Variants in RALGAPA2 observed in about 807,000 individuals in gnomAD.
The protein encoded by RALGAPA2 is Ral GTPase activating protein catalytic subunit alpha 2, also known as ral GTPase-activating protein subunit alpha-2.
RALGAPA2 carries 139 observed loss-of-function variants against 230.4 expected under a neutral mutation model. That is an observed-to-expected ratio of 0.60 (90% CI 0.53 to 0.69). The LOEUF (loss-of-function observed/expected upper bound fraction) is 0.69, where lower values mean the gene tolerates loss of function less well. RALGAPA2 is among the 30% of genes least tolerant of loss of function. The pLI is 0.00. For synonymous variants in RALGAPA2, 847 were observed against 837.8 expected (o/e 1.01, Z -0.19); for missense variants, 2,163 against 2,276.0 (o/e 0.95, Z 1.01).
intron 3 of RALGAPA2, among the ~76,000 whole-genome samples, chr20:20,673,379 CACT>C (rs1479418661): frequency 6.6e-6 from 1 of 151,738 alleles, no homozygotes; most frequent in Non-Finnish European, 1.5e-5. Flanking sequence ...ACACCACCAC[CACT>C]ACTACTAGGG....
chr20:20,633,673 T>C (rs1376262299), intron 9 of RALGAPA2, among the ~76,000 whole-genome samples: 1 of 151,878 alleles, frequency 6.6e-6, no homozygotes, highest in Non-Finnish European at 1.5e-5. Flanking sequence ...AGAGATGGGG[T>C]TTCACCATGT....
intron 36 of RALGAPA2, among the ~76,000 whole-genome samples, chr20:20,478,246 C>T (rs931231397): frequency 6.6e-6 from 1 of 152,090 alleles, no homozygotes; most frequent in African/African-American, 2.4e-5. Flanking sequence ...GATATTATAA[C>T]TTATACCTTA....
At chr20:20,676,513 C>G (rs965301264) in intron 2 of RALGAPA2, among the ~76,000 whole-genome samples, 1 of 148,550 alleles carries the variant, frequency 6.7e-6, no homozygotes, top group Non-Finnish European at 1.5e-5. Flanking sequence ...GCTGTTTGAA[C>G]ACAGCTTCCA....
intron 23 of RALGAPA2, among the ~76,000 whole-genome samples, chr20:20,556,160 AG>A (rs1245115330): frequency 6.6e-6 from 1 of 152,210 alleles, no homozygotes; most frequent in Non-Finnish European, 1.5e-5. Context: ...CTGTGAGATC[AG>A]GGCCTCTAAG....
At chr20:20,606,844 G>T (rs1051427280) in intron 14 of RALGAPA2, among the ~76,000 whole-genome samples, 1 of 152,056 alleles carries the variant, frequency 6.6e-6, no homozygotes, top group Non-Finnish European at 1.5e-5. Flanking sequence ...CCATAAAATT[G>T]CCCCATTCCT....
intron 7 of RALGAPA2, among the ~76,000 whole-genome samples, chr20:20,639,038 G>A (rs2066947129): frequency 6.6e-6 from 1 of 152,200 alleles, no homozygotes; most frequent in Non-Finnish European, 1.5e-5. Context: ...AACCTGAAGT[G>A]TGCCCTCCTT....
chr20:20,600,821 G>A (rs1215260671), intron 16 of RALGAPA2, among the ~76,000 whole-genome samples: 1 of 152,188 alleles, frequency 6.6e-6, no homozygotes, highest in African/African-American at 2.4e-5. Context: ...TAAAATGTAG[G>A]GCGGGCGCAG....
chr20:20,424,201 G>C (rs2060335159), intron 37 of RALGAPA2, among the ~76,000 whole-genome samples: 1 of 152,168 alleles, frequency 6.6e-6, no homozygotes, highest in Non-Finnish European at 1.5e-5. Flanking sequence ...CTTAATTATA[G>C]CATTTTCCAT....
In RALGAPA2 at chr20:20,637,494, C is replaced by T. The variant is rs1460968681; in HGVS notation, c.674G>A (p.Ser225Asn). The T allele has an allele frequency of 1.3e-6, 2 of 1,563,724 alleles. No homozygotes were observed. Among genetic ancestry groups the T allele is most frequent in the Middle Eastern group, 1.8e-4 (1 of 5,548 alleles). ...LLKYMVIQAA[S>N]LEWKNKENQD... ...ATTCTCCTTATTCTTCCACTCCAAG[C>T]TCGCAGCCTTTGGATAATATGTGGA... Residue 225 changes from serine (S) to asparagine (N), a missense_variant, in exon 8 of 40, where the codon AGC becomes AAC. Physicochemically the swap from Ser to Asn is conservative, Grantham distance 46. Transcript: ENST00000202677.
chr20:20,532,061 A>T (rs1053187632), intron 26 of RALGAPA2, among the ~76,000 whole-genome samples: 4 of 152,194 alleles, frequency 2.6e-5, no homozygotes, highest in African/African-American at 9.7e-5. Flanking sequence ...CAGCCCATAT[A>T]TATCACTTAG....
chr20:20,629,597 G>GA lies in RALGAPA2; in HGVS notation c.1006-8dup. ...CAGCACCACCACCAACAGTCTGGAAGAAAGTCAGCACACTTCTCAATGATG... is the reference window on the plus strand; with the variant it reads ...CAGCACCACCACCAACAGTCTGGAAGAAAAGTCAGCACACTTCTCAATGATG... On this transcript the variant is annotated splice_polypyrimidine_tract_variant and splice_region_variant and intron_variant, in intron 9 of 39. Transcript: ENST00000202677. The GA allele has an allele frequency of 6.2e-7, 1 of 1,612,638 alleles. No homozygotes were observed. Among genetic ancestry groups the GA allele is most frequent in the Non-Finnish European group, 8.5e-7 (1 of 1,179,696 alleles).
chr20:20,511,175 C>A (rs1446392055), intron 33 of RALGAPA2, 79 bp downstream of exon 33: 3 of 1,526,358 alleles, frequency 2.0e-6, no homozygotes, highest in African/African-American at 2.8e-5. Context: ...TAAGTCTATT[C>A]ATTCCTGCTG....
intron 1 of RALGAPA2, among the ~76,000 whole-genome samples, chr20:20,701,272 G>A (rs2069348845): frequency 6.6e-6 from 1 of 152,102 alleles, no homozygotes; most frequent in Non-Finnish European, 1.5e-5. Context: ...ATTAATAAAT[G>A]TAGAAATATT....
intron 15 of RALGAPA2, 32 bp from the exon 16 acceptor site, chr20:20,601,878 C>A: frequency 1.3e-6 from 2 of 1,543,826 alleles, no homozygotes; most frequent in Non-Finnish European, 1.8e-6. Context: ...AATCTAAAGG[C>A]TGAATTCATT....
chr20:20,707,534 T>C (rs1279855733), intron 1 of RALGAPA2, among the ~76,000 whole-genome samples: 1 of 152,192 alleles, frequency 6.6e-6, no homozygotes, highest in Admixed American at 6.5e-5. Flanking sequence ...TCAAAAATGC[T>C]AATGATAAAA....
chr20:20,707,545 T>C (rs2069654130), intron 1 of RALGAPA2, among the ~76,000 whole-genome samples: 1 of 152,116 alleles, frequency 6.6e-6, no homozygotes, highest in Non-Finnish European at 1.5e-5. Flanking sequence ...AATGATAAAA[T>C]AAAGACAACA....
At position 20,712,399 on chromosome 20, in the gene RALGAPA2, G is replaced by A. The variant is rs1334852520; in HGVS notation, c.82C>T (p.Leu28=). 1.9e-6 allele frequency: 3 copies of A among 1,551,012 alleles called. No individual in the cohort carries two copies. The highest frequency in any genetic ancestry group is 2.0e-5 in the Admixed American group (1 of 51,178). Residue 28 remains leucine (L), a synonymous_variant, in exon 1 of 40, where the codon CTG becomes TTG. Transcript: ENST00000202677. This position sits in a 1 kb window ranked among gnomAD's most constrained non-coding sequence, Gnocchi z 5.5. Reference sequence around the variant, plus strand: ...CCCAGCAGCGCCCGCAGGTGCTTCAGGCGGGTCAGCACGTCCTTCTTCGGG... The same window carrying A: ...CCCAGCAGCGCCCGCAGGTGCTTCAAGCGGGTCAGCACGTCCTTCTTCGGG... ...LDPKKDVLTR[L]KHLRALLDNV...
At chr20:20,551,764 T>G (rs1370474551) in intron 23 of RALGAPA2, among the ~76,000 whole-genome samples, 1 of 152,266 alleles carries the variant, frequency 6.6e-6, no homozygotes, top group Admixed American at 6.5e-5. Context: ...TTATTCATTT[T>G]GCATAGTGTT....
intron 10 of RALGAPA2, among the ~76,000 whole-genome samples, chr20:20,620,918 G>A (rs1402416391): frequency 1.3e-5 from 2 of 152,102 alleles, no homozygotes; most frequent in African/African-American, 4.8e-5. Flanking sequence ...CAAGGCAGGC[G>A]GATCATGAGG....
Sources: gnomAD v4.1 joint callset for allele counts (sites outside exome capture counted in the v4.1 genomes callset) on GRCh38, gnomAD v4.1.1 for gene constraint, Gnocchi (gnomAD v3.1) non-coding constraint, MANE v1.5 for transcripts, NCBI Gene and HGNC (gene_info 2026-07-23, HGNC 2026-07-21) for gene names.